The following OCA2 variants were observed in gnomAD, a reference collection of about 807,000 sequenced individuals.
The protein encoded by OCA2 is P protein.
Under a neutral mutation model 100.2 loss-of-function variants are expected in OCA2, and 77 were observed. The ratio of observed to expected loss-of-function variants is 0.77; its 90% CI spans 0.64 to 0.93. The LOEUF is 0.93. Among genes scored for constraint, OCA2 ranks in the 40% least tolerant of loss-of-function variants. OCA2 has a pLI of 0.00. For synonymous variants in OCA2, 432 were observed against 439.2 expected, an observed-to-expected ratio of 0.98 and a Z score of 0.21; for missense variants, 1,062 against 1,089.1, an observed-to-expected ratio of 0.98 and a Z score of 0.35.
At chr15:27,878,185 A>T (rs2036868399) in intron 19 of OCA2, among the ~76,000 whole-genome samples, 1 of 152,002 alleles carries the variant, frequency 6.6e-6, no homozygotes. Flanking sequence ...ACATCTATAT[A>T]CATTAAAACT....
At chr15:27,781,528 C>G (rs1380212152) in intron 23 of OCA2, among the ~76,000 whole-genome samples, 1 of 152,210 alleles carries the variant, frequency 6.6e-6, no homozygotes, top group Non-Finnish European at 1.5e-5. Context: ...TTAATACTGA[C>G]TTCCTGAGAT....
At chr15:28,004,422 G>T (rs1327714825) in intron 9 of OCA2, among the ~76,000 whole-genome samples, 4 of 152,198 alleles carry the variant, frequency 2.6e-5, no homozygotes, top group Non-Finnish European at 5.9e-5. Context: ...TTCCAAGCTG[G>T]GCTGCAGGGG....
chr15:27,817,661 G>A (rs972680978), intron 23 of OCA2, among the ~76,000 whole-genome samples: 8 of 152,132 alleles, frequency 5.3e-5, no homozygotes, highest in Admixed American at 3.3e-4. Flanking sequence ...ATGGATTTGC[G>A]GGTCTCCTCC....
chr15:28,087,544 G>C (rs1476850272), intron 1 of OCA2, among the ~76,000 whole-genome samples: 33 of 152,144 alleles, frequency 2.2e-4, no homozygotes, highest in Admixed American at 2.2e-3. Context: ...CCAGGAGTTT[G>C]AGACCAGCCT....
intron 4 of OCA2, among the ~76,000 whole-genome samples, chr15:28,026,318 C>T (rs1403982563): frequency 6.6e-6 from 1 of 152,166 alleles, no homozygotes; most frequent in African/African-American, 2.4e-5. Flanking sequence ...CAGCTGAGGA[C>T]ACGGCATCCT....
At chr15:27,872,591 C>A (rs1210439297) in intron 19 of OCA2, among the ~76,000 whole-genome samples, 1 of 152,202 alleles carries the variant, frequency 6.6e-6, no homozygotes, top group Non-Finnish European at 1.5e-5. Context: ...CTGCCCAGCA[C>A]CTCTGTGGGT....
At chr15:27,872,286 A>T (rs1175972311) in intron 19 of OCA2, among the ~76,000 whole-genome samples, 3 of 152,260 alleles carry the variant, frequency 2.0e-5, no homozygotes, top group Non-Finnish European at 4.4e-5. Context: ...CGCATTTCCA[A>T]TTTCTTTTTA....
intron 2 of OCA2, among the ~76,000 whole-genome samples, chr15:28,060,364 T>A (rs982093580): frequency 2.0e-5 from 3 of 152,124 alleles, no homozygotes; most frequent in African/African-American, 7.2e-5. Flanking sequence ...ATGAATTTTA[T>A]TTTTTTTAAT....
chr15:27,759,645 C>G (rs893848633), intron 23 of OCA2, among the ~76,000 whole-genome samples: 2 of 150,870 alleles, frequency 1.3e-5, no homozygotes, highest in Non-Finnish European at 3.0e-5. Context: ...TGTGTATTCA[C>G]CAAATAACTG....
chr15:28,064,516 C>T (rs2043966440), intron 2 of OCA2, among the ~76,000 whole-genome samples: 1 of 152,118 alleles, frequency 6.6e-6, no homozygotes, highest in Non-Finnish European at 1.5e-5. Context: ...ATCTTCAAGC[C>T]TGCTGATTCT....
chr15:27,821,173 C>A (rs1436479566), intron 23 of OCA2, among the ~76,000 whole-genome samples: 1 of 152,094 alleles, frequency 6.6e-6, no homozygotes, highest in Admixed American at 6.5e-5. Context: ...GAGAAAAGCA[C>A]CAGTTTCCAT....
chr15:27,901,276 A>G (rs1196715664), intron 19 of OCA2, among the ~76,000 whole-genome samples: 2 of 152,198 alleles, frequency 1.3e-5, no homozygotes, highest in African/African-American at 4.8e-5. Context: ...ATTGCCCTTT[A>G]GTCCTGCCCC....
At chr15:27,919,310 T>C (rs1483474307) in intron 19 of OCA2, among the ~76,000 whole-genome samples, 2 of 152,160 alleles carry the variant, frequency 1.3e-5, no homozygotes, top group East Asian at 3.9e-4. Context: ...ACACAAAAAG[T>C]TGCACATAGA....
Position 27,966,668 on chromosome 15 carries a change from A to G in OCA2, c.1636+22T>C, listed in dbSNP as rs368923739. ...TTATGGTCATGAAATCTGAGCCTACATGAGGTTGCACTTGTACTCACCAAC... is the reference window on the plus strand; with the variant it reads ...TTATGGTCATGAAATCTGAGCCTACGTGAGGTTGCACTTGTACTCACCAAC... On this transcript the variant is annotated intron_variant, in intron 15 of 23. Coordinates refer to ENST00000354638, the MANE Select transcript of OCA2 (RefSeq NM_000275.3). 8 of 1,613,398 alleles carry G rather than the reference A, an allele frequency of 5.0e-6. No homozygotes were observed. In the African/African-American group the frequency reaches 9.3e-5, roughly 19 times the overall value.
chr15:28,024,880 C>T lies in OCA2; in HGVS notation c.538G>A (p.Val180Ile). 1 of 1,614,268 alleles carries T rather than the reference C, an allele frequency of 6.2e-7. No individual in the cohort carries two copies. The highest frequency in any genetic ancestry group is 1.1e-5 in the South Asian group (1 of 91,084). The change falls in exon 5 of 24, where the codon GTC (valine) becomes ATC (isoleucine). Residue 180 changes from valine to isoleucine, a missense_variant. Transcript: ENST00000354638. ...KLRRCVQWLK[V>I]MGLFAFVVLC... ...ACCACAAAGGCAAACAGGCCCATGA[C>T]TTTCAGCCACTGCACACAGCGCCTG...
chr15:27,806,457 G>A (rs1047241296), intron 23 of OCA2, among the ~76,000 whole-genome samples: 1 of 152,164 alleles, frequency 6.6e-6, no homozygotes, highest in Non-Finnish European at 1.5e-5. Flanking sequence ...ATTCAGACGT[G>A]AGCATAGGTG....
chr15:27,981,074 A>G (rs2041145289), intron 14 of OCA2, among the ~76,000 whole-genome samples: 1 of 152,092 alleles, frequency 6.6e-6, no homozygotes, highest in South Asian at 2.1e-4. Flanking sequence ...ACTCCATTTC[A>G]TTTTGGATTT....
intron 9 of OCA2, among the ~76,000 whole-genome samples, chr15:28,006,065 T>C (rs556051374): frequency 6.6e-6 from 1 of 152,258 alleles, no homozygotes; most frequent in South Asian, 2.1e-4. Context: ...TCCTCAACTA[T>C]AAAATGGAGG....
At chr15:28,072,589 C>CAAAAAAAAAA (rs760224063) in intron 2 of OCA2, among the ~76,000 whole-genome samples, 3 of 60,064 alleles carry the variant, frequency 5.0e-5, no homozygotes, top group Non-Finnish European at 7.8e-5. Flanking sequence ...GATTCCGTCT[C>CAAAAAAAAAA]AAAAAAAAAA....
Sources: allele counts gnomAD v4.1 joint callset (sites outside exome capture counted in the v4.1 genomes callset), GRCh38; gene constraint gnomAD v4.1.1; transcripts MANE v1.5; gene names NCBI Gene and HGNC (gene_info 2026-07-23, HGNC 2026-07-21).